Variants in ELAPOR1 observed in about 807,000 individuals in gnomAD.
The protein encoded by ELAPOR1 is endosome/lysosome-associated apoptosis and autophagy regulator 1.
ELAPOR1 carries 77 observed loss-of-function variants against 119.7 expected under a neutral mutation model. That is an observed-to-expected ratio of 0.64 (90% CI 0.54 to 0.78). The LOEUF (loss-of-function observed/expected upper bound fraction) is 0.78. ELAPOR1 is among the 30% of genes least tolerant of loss of function. The pLI is 0.00. For synonymous variants in ELAPOR1, 481 were observed against 487.2 expected, an observed-to-expected ratio of 0.99 and a Z score of 0.17; for missense variants, 1,115 against 1,270.4, an observed-to-expected ratio of 0.88 and a Z score of 1.86.
intron 1 of ELAPOR1, among the ~76,000 whole-genome samples, chr1:109,148,713 T>A (rs1650341567): frequency 6.6e-6 from 1 of 152,222 alleles, no homozygotes; most frequent in Admixed American, 6.5e-5. Flanking sequence ...GAGTTTTGCA[T>A]AGGCCACAAC....
intron 1 of ELAPOR1, among the ~76,000 whole-genome samples, chr1:109,121,022 C>T (rs1007955868): frequency 6.6e-6 from 1 of 152,220 alleles, no homozygotes; most frequent in Non-Finnish European, 1.5e-5. Context: ...GCTATTGTAA[C>T]GTCTTTCAGG....
intron 11 of ELAPOR1, among the ~76,000 whole-genome samples, chr1:109,190,036 G>T (rs1653333049): frequency 6.6e-6 from 1 of 152,108 alleles, no homozygotes. Context: ...TTTATTTGGG[G>T]CAAGAAGATT....
intron 17 of ELAPOR1, 61 bp from the exon 18 acceptor site, chr1:109,198,512 T>C (rs1406983675): frequency 2.1e-6 from 3 of 1,436,352 alleles, no homozygotes; most frequent in Non-Finnish European, 2.9e-6. Context: ...TTTCTCTTGG[T>C]GGCTGTCCAA....
At chr1:109,126,140 G>A (rs1648762883) in intron 1 of ELAPOR1, among the ~76,000 whole-genome samples, 1 of 152,210 alleles carries the variant, frequency 6.6e-6, no homozygotes, top group African/African-American at 2.4e-5. Flanking sequence ...GCTATGATGA[G>A]AGATTATTTC....
intron 1 of ELAPOR1, among the ~76,000 whole-genome samples, chr1:109,145,828 G>A (rs1447569427): frequency 6.6e-6 from 1 of 152,132 alleles, no homozygotes; most frequent in Admixed American, 6.5e-5. Context: ...GTGCCACCAT[G>A]CCTGGCTAAT....
chr1:109,174,015 A>ATTTT (rs57356277), intron 7 of ELAPOR1, among the ~76,000 whole-genome samples, 178 bp downstream of exon 7: 1 of 137,838 alleles, frequency 7.3e-6, no homozygotes, highest in African/African-American at 2.7e-5. Flanking sequence ...TCACTTTGTC[A>ATTTT]TTTTTTTTTT....
chr1:109,138,124 G>C (rs887598008), intron 1 of ELAPOR1, among the ~76,000 whole-genome samples: 1 of 152,064 alleles, frequency 6.6e-6, no homozygotes, highest in African/African-American at 2.4e-5. Context: ...CGTGGCCCCA[G>C]GTTACAGCTG....
At chr1:109,122,551 C>CT (rs1039798240) in intron 1 of ELAPOR1, among the ~76,000 whole-genome samples, 2 of 151,698 alleles carry the variant, frequency 1.3e-5, no homozygotes, top group African/African-American at 4.8e-5. Context: ...GACCCAGACA[C>CT]TAGGGAGACT....
In ELAPOR1 at chr1:109,203,070, G is replaced by A. The variant is rs74113789; in HGVS notation, c.*58G>A. ...TTGCATAGCACCTTTGCAAGCCTGC[G>A]GCGATTTGGGTGCCAGCATCCTGCA... is the stretch of plus-strand genomic sequence containing the variant. On this transcript the variant is annotated 3_prime_UTR_variant, in exon 22 of 22. Transcript: ENST00000369939. 79 of 1,208,936 alleles carry A rather than the reference G, an allele frequency of 6.5e-5. No individual in the cohort carries two copies. In the African/African-American group the frequency reaches 8.0e-4, roughly 12 times the overall value. 74.9% of individuals were successfully genotyped at this position (1,208,936 alleles called of 1,614,324 possible). A position where few individuals can be genotyped will look rare whatever the true frequency, so the allele number is the denominator to read the frequency against.
intron 7 of ELAPOR1, among the ~76,000 whole-genome samples, chr1:109,177,105 T>G (rs1255615929): frequency 6.8e-6 from 1 of 147,950 alleles, no homozygotes; most frequent in Non-Finnish European, 1.5e-5. Context: ...TGGCCCGTTC[T>G]CAATGAGCTG....
intron 1 of ELAPOR1, among the ~76,000 whole-genome samples, chr1:109,154,852 G>A (rs935777751): frequency 1.9e-4 from 29 of 152,184 alleles, no homozygotes; most frequent in African/African-American, 7.0e-4. Context: ...CCATCACTTG[G>A]AAGAGAAATG....
intron 1 of ELAPOR1, among the ~76,000 whole-genome samples, chr1:109,138,949 A>G (rs1484990638): frequency 1.3e-5 from 2 of 152,144 alleles, no homozygotes; most frequent in Non-Finnish European, 2.9e-5. Flanking sequence ...ATCAATTTTA[A>G]AAGTATAAGG....
Position 109,173,486 on chromosome 1 carries a change from C to A in ELAPOR1, c.709C>A (p.Arg237=), listed in dbSNP as rs756426797. The A allele has an allele frequency of 1.1e-5, 17 of 1,613,694 alleles. No individual in the cohort carries two copies. In the East Asian group the frequency reaches 3.8e-4, roughly 36 times the overall value. ...GWEFHSVELN[R]GNNVLYWRTT... is the part of the protein sequence containing the mutation. ...TTGTGGTTTTTAGGTGGAGCTAAAT[C>A]GAGGCAATAATGTCCTCTATTGGAG... The change falls in exon 6 of 22, where the codon CGA becomes AGA. Residue 237 remains arginine, a synonymous_variant. Transcript: ENST00000369939.
chr1:109,200,215 T>C lies in ELAPOR1; in HGVS notation c.2785T>C (p.Tyr929His). ...TAILLTVLTC[Y>H]FWKKNQKLEY... The stretch of plus-strand genomic sequence containing the variant: ...CATCCTGCTCACCGTCTTGACCTGC[T>C]ACTTTTGGAAAAAGAATCAAAAGTA... Residue 929 changes from tyrosine to histidine, a missense_variant, in exon 20 of 22, where the codon TAC becomes CAC. Transcript: ENST00000369939. 1 of 1,614,176 alleles carries C rather than the reference T, an allele frequency of 6.2e-7. No individual in the cohort carries two copies.
Position 109,198,665 on chromosome 1 carries a change from T to C in ELAPOR1, c.2492T>C (p.Leu831Pro). 6.2e-7 allele frequency: 1 copy of C among 1,613,128 alleles called. No individual in the cohort carries two copies. The highest frequency in any genetic ancestry group is 1.1e-5 in the South Asian group (1 of 90,616). The change falls in exon 18 of 22, where the codon CTG (leucine) becomes CCG (proline). Residue 831 changes from leucine to proline, a missense_variant. By Grantham distance (98) the Leu-to-Pro change is moderately conservative. Coordinates refer to ENST00000369939, the MANE Select transcript of ELAPOR1 (RefSeq NM_020775.5). ...SPQKTVPGSL[L>P]LPGTCSDGTC... Reference sequence around the variant, plus strand: ...CAGAAAACTGTCCCTGGAAGTTTGCTGCTGCCAGGGTAAGCCCTGCAAAGG... The same window carrying C: ...CAGAAAACTGTCCCTGGAAGTTTGCCGCTGCCAGGGTAAGCCCTGCAAAGG...
rs796092088 is a variant in ELAPOR1, at chr1:109,177,094, A to C, written c.952+3257A>C. 2.1e-3 allele frequency among the ~76,000 whole-genome samples: 310 copies of C among 147,254 alleles called. 1 individual carries two copies. The South Asian group carries it at 0.033, about 16-fold the overall frequency. On this transcript the variant is annotated intron_variant, in intron 7 of 21. Coordinates refer to ENST00000369939, the MANE Select transcript of ELAPOR1 (RefSeq NM_020775.5). ...ATTCCACAAAACCGCCATTGTCATC[A>C]TGGCCCGTTCTCAATGAGCTGTTGG...
At chr1:109,192,534 T>C (rs1010655474) in intron 13 of ELAPOR1, 77 bp from the exon 14 acceptor site, 8 of 1,452,532 alleles carry the variant, frequency 5.5e-6, no homozygotes, top group Middle Eastern at 1.8e-4. Flanking sequence ...ATTAAGTACC[T>C]TGCTCTTTCT....
At chr1:109,136,567 C>T (rs1476612037) in intron 1 of ELAPOR1, among the ~76,000 whole-genome samples, 3 of 152,142 alleles carry the variant, frequency 2.0e-5, no homozygotes, top group African/African-American at 7.2e-5. Context: ...ATGCAGGCAC[C>T]GTGAGGTAGA....
chr1:109,167,694 A>G (rs1388887948), intron 3 of ELAPOR1, among the ~76,000 whole-genome samples: 1 of 151,906 alleles, frequency 6.6e-6, no homozygotes, highest in Non-Finnish European at 1.5e-5. Flanking sequence ...CTGCAGCCTC[A>G]ACCTCCCCGG....
Sources: gnomAD v4.1 joint callset for allele counts (sites outside exome capture counted in the v4.1 genomes callset) on GRCh38, gnomAD v4.1.1 for gene constraint, MANE v1.5 for transcripts, NCBI Gene and HGNC (gene_info 2026-07-23, HGNC 2026-07-21) for gene names.